Variants in ZNF335 observed in about 807,000 individuals in gnomAD.
ZNF335 encodes the protein zinc finger protein 335, also known as NRC-interacting factor 1.
ZNF335 carries 84 observed loss-of-function variants against 145.6 expected under a neutral mutation model. That is an observed-to-expected ratio of 0.58 (90% confidence interval 0.48 to 0.69). The LOEUF (loss-of-function observed/expected upper bound fraction) is 0.69. ZNF335 is among the 30% of genes least tolerant of loss of function. The pLI is 0.00. For missense variants in ZNF335, 1,865 were observed against 1,809.7 expected, an observed-to-expected ratio of 1.03 and a Z score of -0.55; for synonymous variants, 761 against 717.0, an observed-to-expected ratio of 1.06 and a Z score of -0.98.
chr20:45,960,136 G>A (rs1250373244), intron 14 of ZNF335, 72 bp downstream of exon 14: 2 of 1,554,036 alleles, frequency 1.3e-6, no homozygotes, highest in Non-Finnish European at 1.8e-6. Context: ...AAGAGGATGG[G>A]AGCTAAGCCT....
intron 24 of ZNF335, 28 bp from the exon 25 acceptor site, chr20:45,949,596 A>G: frequency 1.3e-6 from 2 of 1,593,628 alleles, no homozygotes; most frequent in Non-Finnish European, 1.7e-6. Flanking sequence ...GGGCATGGCG[A>G]GGCAGGTGCT....
chr20:45,959,839 G>A (rs892199983), intron 14 of ZNF335, among the ~76,000 whole-genome samples: 1 of 152,220 alleles, frequency 6.6e-6, no homozygotes, highest in Non-Finnish European at 1.5e-5. Context: ...CATCTGCCAA[G>A]GCAGGGTCTG....
At chr20:45,969,964 T>C in intron 2 of ZNF335, 1 of 363,190 alleles carries the variant, frequency 2.8e-6, no homozygotes, top group Non-Finnish European at 5.0e-6. Context: ...GCTATTTTCT[T>C]TGGGCTTTTG....
intron 1 of ZNF335, 55 bp from the exon 2 acceptor site, chr20:45,971,515 C>A (rs1236604434): frequency 2.0e-6 from 3 of 1,516,414 alleles, no homozygotes; most frequent in Admixed American, 2.0e-5. Flanking sequence ...CCAGCCCCGG[C>A]AACCACGGCC....
rs751680683 is a variant in ZNF335 at position 45,971,459 on chromosome 20, C to T, written c.-49G>A. The T allele has an allele frequency of 3.6e-5, 57 of 1,590,156 alleles. No individual in the cohort carries two copies. Among genetic ancestry groups the T allele is most frequent in the Non-Finnish European group, 4.5e-5 (53 of 1,175,776 alleles). ...CGGGGCGTAGGGTCTGGGAACTTCA[C>T]TCTGAGAAGAGAGGTGACCGTGGCT... On this transcript the variant is annotated splice_region_variant and 5_prime_UTR_variant, in exon 2 of 28. It adds an upstream start codon to the 5' untranslated region. Transcript: ENST00000322927.
Position 45,963,956 on chromosome 20 carries a change from A to T in ZNF335, c.1137T>A (p.Ser379Arg), listed in dbSNP as rs1274506011. ...CCTGTGGCTCTGGAGGGCTCTGTCCACTCTGGGAACTCACTAGAGGCTCTC... is the reference window on the plus strand; with the variant it reads ...CCTGTGGCTCTGGAGGGCTCTGTCCTCTCTGGGAACTCACTAGAGGCTCTC... ...VEGEPLVSSQSGQSPPEPQDP... is the reference protein window; with the variant it reads ...VEGEPLVSSQRGQSPPEPQDP... Residue 379 changes from serine (S) to arginine (R), a missense_variant, in exon 8 of 28, where the codon AGT (serine) becomes AGA (arginine). Physicochemically the swap from Ser to Arg is moderately radical, Grantham distance 110. Transcript: ENST00000322927. 1 of 1,528,906 alleles carries T rather than the reference A, an allele frequency of 6.5e-7. No homozygotes were observed. Among genetic ancestry groups the T allele is most frequent in the African/African-American group, 1.4e-5 (1 of 72,082 alleles). 94.7% of individuals were successfully genotyped at this position (1,528,906 alleles called of 1,614,324 possible). A position where few individuals can be genotyped will look rare whatever the true frequency, so the allele number is the denominator to read the frequency against.
At chr20:45,969,337 T>C in intron 3 of ZNF335, 114 bp downstream of exon 3, 5 of 1,312,394 alleles carry the variant, frequency 3.8e-6, no homozygotes, top group Non-Finnish European at 4.0e-6. Context: ...CTGTTCCCAC[T>C]CTGCACATTC....
Position 45,949,519 on chromosome 20 carries a change from T to C in ZNF335, c.3719A>G (p.Glu1240Gly), listed in dbSNP as rs1299641140. The change falls in exon 25 of 28, where the codon GAA becomes GGA. Residue 1240 changes from glutamate (E) to glycine (G), a missense_variant. By Grantham distance (98) the Glu-to-Gly change is moderately conservative. Transcript: ENST00000322927. The part of the protein sequence containing the change: ...QDGVQHLLPQ[E>G]YVVVPEGHHI... ...ATGGCCTTCAGGGACCACAACATATTCCTGGGGGAGCAGGTGCTGGACACC... is the reference window on the plus strand; with the variant it reads ...ATGGCCTTCAGGGACCACAACATATCCCTGGGGGAGCAGGTGCTGGACACC... 1.2e-6 allele frequency: 2 copies of C among 1,613,432 alleles called. No homozygotes were observed. Among genetic ancestry groups the C allele is most frequent in the Non-Finnish European group, 8.5e-7 (1 of 1,179,902 alleles).
rs761695640 is a variant in ZNF335, at chr20:45,948,691, A to G, written c.*262T>C. The G allele has an allele frequency of 3.7e-5, 18 of 485,782 alleles. No individual in the cohort carries two copies. Among genetic ancestry groups the G allele is most frequent in the Admixed American group, 3.0e-4 (9 of 30,256 alleles). The allele number at this position is 485,782 out of a possible 1,614,324, so 30.1% of individuals were successfully genotyped here. On this transcript the variant is annotated 3_prime_UTR_variant, in exon 28 of 28. Coordinates refer to ENST00000322927, the MANE Select transcript of ZNF335 (RefSeq NM_022095.4). ...ACTGGACTCCGGTCCCTTTATTGAG[A>G]CTGACAGGCCAGTGGGTCCACCCAA...
chr20:45,962,285 G>T, intron 9 of ZNF335, 103 bp from the exon 10 acceptor site: 1 of 904,972 alleles, frequency 1.1e-6, no homozygotes, highest in Non-Finnish European at 1.8e-6. Context: ...TGCGGGAGCA[G>T]CTCACAGAAC....
intron 18 of ZNF335, 140 bp from the exon 19 acceptor site, chr20:45,952,849 G>A: frequency 1.5e-6 from 1 of 674,072 alleles, no homozygotes; most frequent in Non-Finnish European, 2.5e-6. Context: ...CTGTGGCTCT[G>A]CCCTGTTACC....
In ZNF335 at chr20:45,952,463, T is replaced by C. The variant is rs756096153; in HGVS notation, c.2873A>G (p.Lys958Arg). The change falls in exon 20 of 28, where the codon AAA (lysine) becomes AGA (arginine). Residue 958 changes from lysine (K) to arginine (R), a missense_variant. Lys to Arg is a conservative substitution (Grantham distance 26, BLOSUM62 2). Coordinates refer to ENST00000322927, the MANE Select transcript of ZNF335 (RefSeq NM_022095.4). ...PSPDALASGA[K>R]WPLLQCGGLP... The stretch of plus-strand genomic sequence containing the variant: ...TCCCCCACACTGCAGCAGGGGCCAT[T>C]TGGCACCAGAGGCCAGAGCATCTGG... 6.4e-7 allele frequency: 1 copy of C among 1,562,660 alleles called. No homozygotes were observed. Among genetic ancestry groups the C allele is most frequent in the Admixed American group, 1.8e-5 (1 of 55,902 alleles).
chr20:45,959,460 A>T, intron 14 of ZNF335, 27 bp from the exon 15 acceptor site: 1 of 1,409,846 alleles, frequency 7.1e-7, no homozygotes, highest in Admixed American at 2.6e-5. Flanking sequence ...GGGCATGCTT[A>T]AGTCTGCCCG....
rs372344102 is a variant in ZNF335 at position 45,969,526 on chromosome 20, T to C, written c.367A>G (p.Thr123Ala). 6.3e-7 allele frequency: 1 copy of C among 1,588,830 alleles called. No homozygotes were observed. The highest frequency in any genetic ancestry group is 1.3e-5 in the African/African-American group (1 of 74,558). Residue 123 changes from threonine (T) to alanine (A), a missense_variant, in exon 3 of 28, where the codon ACA becomes GCA. By Grantham distance (58) the Thr-to-Ala change is moderately conservative. Transcript: ENST00000322927. Reference sequence around the variant, plus strand: ...GAGCCCAGGTCCGAGGAGGAAGCTGTGCAGTCGGACACCAGCATGTTGGGG... The same window carrying C: ...GAGCCCAGGTCCGAGGAGGAAGCTGCGCAGTCGGACACCAGCATGTTGGGG... Reference protein sequence around the residue: ...PDPNMLVSDCTASSSDLGSAI... With the variant: ...PDPNMLVSDCAASSSDLGSAI...
intron 1 of ZNF335, 147 bp from the exon 2 acceptor site, chr20:45,971,607 G>A (rs745788243): frequency 2.0e-4 from 284 of 1,434,946 alleles, no homozygotes; most frequent in Non-Finnish European, 2.5e-4. Context: ...GTATTGCGAG[G>A]GGAGCTCGGG....
In ZNF335 at chr20:45,952,622, A is replaced by G. The variant is rs1219068551; in HGVS notation, c.2790T>C (p.Asp930=). ...CCTCAATGTGGTGCAACTGGGTACC[A>G]TCAGTAGCCATGATGTAGTGGGTGC... ...EAGTHYIMAT[D]GTQLHHIELT... is the part of the protein sequence containing the mutation. The change falls in exon 19 of 28, where the codon GAT becomes GAC. Residue 930 remains aspartate, a synonymous_variant. Transcript: ENST00000322927. 6.2e-7 allele frequency: 1 copy of G among 1,613,958 alleles called. No homozygotes were observed. Among genetic ancestry groups the G allele is most frequent in the Non-Finnish European group, 8.5e-7 (1 of 1,180,012 alleles).
Position 45,960,177 on chromosome 20 carries a change from G to C in ZNF335, c.2020+31C>G, listed in dbSNP as rs79645412. 0.017 allele frequency: 27,392 copies of C among 1,612,122 alleles called. 555 individuals carry two copies. The highest frequency in any genetic ancestry group is 0.084 in the African/African-American group (6,290 of 74,996). On this transcript the variant is annotated intron_variant, in intron 14 of 27. Transcript: ENST00000322927. ...CAGGGGTACAGGGCACTGAGGGCTG[G>C]TGAGTGGGGCTGGGGTGTGTCCAGC...
rs1297682375 is a variant in ZNF335, at chr20:45,953,909, C to T, written c.2482G>A (p.Ala828Thr). 6.2e-7 allele frequency: 1 copy of T among 1,610,432 alleles called. No homozygotes were observed. Among genetic ancestry groups the T allele is most frequent in the Admixed American group, 1.7e-5 (1 of 59,312 alleles). Residue 828 changes from alanine (A) to threonine (T), a missense_variant, in exon 18 of 28, where the codon GCA (alanine) becomes ACA (threonine). Physicochemically the swap from Ala to Thr is moderately conservative, Grantham distance 58. Transcript: ENST00000322927. ...VKSEDVEAGL[A>T]SPGGQPSPEG... ...GGGGAGGGCTGCCCACCAGGGGATG[C>T]TAACCCTGCTTCCACATCTTCCGAC... is the stretch of plus-strand genomic sequence containing the variant.
chr20:45,966,305 C>T (rs1227679265), intron 6 of ZNF335, among the ~76,000 whole-genome samples: 1 of 151,784 alleles, frequency 6.6e-6, no homozygotes, highest in African/African-American at 2.4e-5. Flanking sequence ...GTCTCGATCT[C>T]CTGACCTTGT....
Sources: gnomAD v4.1 joint callset for allele counts (sites outside exome capture counted in the v4.1 genomes callset) on GRCh38, gnomAD v4.1.1 for gene constraint, MANE v1.5 for transcripts, NCBI Gene and HGNC (gene_info 2026-07-23, HGNC 2026-07-21) for gene names.